Variants in ADCY1 observed in about 807,000 individuals in gnomAD.
The protein encoded by ADCY1 is adenylate cyclase type 1.
ADCY1 carries 28 observed loss-of-function variants against 105.4 expected under a neutral mutation model. The observed-to-expected ratio is 0.27, with a 90% CI of 0.20 to 0.36. The LOEUF is 0.36. ADCY1 is among the 10% of genes least tolerant of loss of function. The pLI is 1.00. For synonymous variants in ADCY1, 655 were observed against 623.8 expected (o/e 1.05, Z -0.75); for missense variants, 977 against 1,434.2 (o/e 0.68, Z 5.15).
At chr7:45,599,458 T>C (rs1464169650) in intron 2 of ADCY1, among the ~76,000 whole-genome samples, 2 of 150,700 alleles carry the variant, frequency 1.3e-5, no homozygotes, top group Non-Finnish European at 3.0e-5. Flanking sequence ...CACAGTTTGC[T>C]CTGTATCAGC....
intron 14 of ADCY1, among the ~76,000 whole-genome samples, chr7:45,695,155 C>T (rs1195546450): frequency 6.6e-6 from 1 of 152,226 alleles, no homozygotes; most frequent in Non-Finnish European, 1.5e-5. Context: ...ATCACTTATT[C>T]CCATCACTCA....
At chr7:45,657,940 C>T in intron 6 of ADCY1, 55 bp downstream of exon 6, 1 of 1,537,806 alleles carries the variant, frequency 6.5e-7, no homozygotes, top group Non-Finnish European at 8.8e-7. Context: ...CTGTGCACCC[C>T]TGGGCTAAAT....
intron 14 of ADCY1, among the ~76,000 whole-genome samples, chr7:45,693,970 TC>T (rs1709030363): frequency 1.2e-5 from 1 of 83,130 alleles, no homozygotes; most frequent in Non-Finnish European, 2.3e-5. Context: ...TGTGGTGGGG[TC>T]GGGGGAGGGG....
intron 14 of ADCY1, among the ~76,000 whole-genome samples, chr7:45,699,241 A>T (rs1298214099): frequency 6.6e-6 from 1 of 152,190 alleles, no homozygotes; most frequent in Non-Finnish European, 1.5e-5. Flanking sequence ...CAGTCCTTCC[A>T]TCCTGGTACA....
At chr7:45,690,519 C>T (rs189426775) in intron 14 of ADCY1, among the ~76,000 whole-genome samples, 62 of 152,340 alleles carry the variant, frequency 4.1e-4, no homozygotes, top group African/African-American at 1.1e-3. Flanking sequence ...CCCCTGCTCC[C>T]GCTCCCCATT....
chr7:45,674,292 A>T (rs1349480419), intron 8 of ADCY1, among the ~76,000 whole-genome samples: 1 of 151,978 alleles, frequency 6.6e-6, no homozygotes, highest in East Asian at 1.9e-4. Flanking sequence ...TTGTTTGATG[A>T]TGTCTTAGCT....
intron 1 of ADCY1, among the ~76,000 whole-genome samples, chr7:45,582,879 G>A (rs1047955423): frequency 5.3e-5 from 8 of 152,310 alleles, no homozygotes; most frequent in Middle Eastern, 6.8e-3. Context: ...GGAGCCCACC[G>A]CAGCAGCCTA....
intron 3 of ADCY1, among the ~76,000 whole-genome samples, chr7:45,622,273 G>A (rs1250184881): frequency 6.6e-6 from 1 of 152,092 alleles, no homozygotes; most frequent in African/African-American, 2.4e-5. Flanking sequence ...ACTTCTGCTC[G>A]GTGCCGCTGG....
chr7:45,687,383 C>A (rs1426226251), intron 14 of ADCY1, among the ~76,000 whole-genome samples: 1 of 152,206 alleles, frequency 6.6e-6, no homozygotes, highest in Non-Finnish European at 1.5e-5. Flanking sequence ...CCTGTGTCCA[C>A]CCCATGGCCA....
At chr7:45,690,813 C>T (rs1489016548) in intron 14 of ADCY1, among the ~76,000 whole-genome samples, 1 of 152,240 alleles carries the variant, frequency 6.6e-6, no homozygotes, top group African/African-American at 2.4e-5. Context: ...CAGGGTGATC[C>T]AGCTGGCTGG....
At chr7:45,658,531 C>T (rs1424325010) in intron 6 of ADCY1, among the ~76,000 whole-genome samples, 4 of 152,166 alleles carry the variant, frequency 2.6e-5, no homozygotes, top group African/African-American at 9.7e-5. Flanking sequence ...ACACTGGCTG[C>T]CCCTCAGCAG....
At chr7:45,592,106 G>T (rs965232484) in intron 1 of ADCY1, among the ~76,000 whole-genome samples, 1 of 148,264 alleles carries the variant, frequency 6.7e-6, no homozygotes, top group Non-Finnish European at 1.5e-5. Context: ...AGGAGTTTGT[G>T]CAGGCTTTGT....
At chr7:45,587,765 T>C (rs922597230) in intron 1 of ADCY1, among the ~76,000 whole-genome samples, 1 of 152,092 alleles carries the variant, frequency 6.6e-6, no homozygotes, top group Non-Finnish European at 1.5e-5. Context: ...ATGGTTAGAC[T>C]GGGGTGTTGG....
In ADCY1 at chr7:45,625,325, G is replaced by T. The variant is rs907969556; in HGVS notation, c.1020+2582G>T. ...ACACTGATTCATGCCTGGGATGCTG[G>T]CTTACATACTTTTATCAAGAAGAAT... On this transcript the variant is annotated intron_variant, in intron 4 of 19. Transcript: ENST00000297323. Among the ~76,000 whole-genome samples, 6 of 152,342 alleles carry T rather than the reference G, an allele frequency of 3.9e-5. No individual in the cohort carries two copies. In the East Asian group the frequency reaches 1.2e-3, roughly 29 times the overall value.
chr7:45,649,708 A>C (rs1442199923), intron 5 of ADCY1, among the ~76,000 whole-genome samples: 1 of 152,170 alleles, frequency 6.6e-6, no homozygotes, highest in Non-Finnish European at 1.5e-5. Flanking sequence ...GGCGGTTGGG[A>C]GGAGGCTGGT....
At chr7:45,595,201 C>T (rs1392326948) in intron 2 of ADCY1, among the ~76,000 whole-genome samples, 3 of 152,222 alleles carry the variant, frequency 2.0e-5, no homozygotes, top group African/African-American at 4.8e-5. Flanking sequence ...TCTGCTTATA[C>T]TCTGCTCTCT....
chr7:45,701,232 A>G (rs1442854081), intron 14 of ADCY1, among the ~76,000 whole-genome samples: 1 of 152,152 alleles, frequency 6.6e-6, no homozygotes, highest in Non-Finnish European at 1.5e-5. Context: ...TAACAATACA[A>G]CTTCTGCTTG....
At position 45,720,757 on chromosome 7, in the gene ADCY1, G is replaced by A. The variant is rs2116308684; in HGVS notation, c.*6762G>A. 6.6e-6 allele frequency: 1 copy of A among 152,254 alleles called. No homozygotes were observed. The highest frequency in any genetic ancestry group is 1.9e-4 in the East Asian group (1 of 5,164). The allele number at this position is 152,254 out of a possible 1,614,324, so 9.4% of individuals were successfully genotyped here. ...CACCTGGTTACCACAGTCTCCATGG[G>A]TCTTTTGCCGTGACCACAAATAAAG... On this transcript the variant is annotated 3_prime_UTR_variant, in exon 20 of 20. Transcript: ENST00000297323.
intron 3 of ADCY1, 72 bp downstream of exon 3, chr7:45,610,569 G>A: frequency 7.3e-7 from 1 of 1,363,010 alleles, no homozygotes; most frequent in Non-Finnish European, 1.0e-6. Context: ...GTGAAGGTGG[G>A]GAGGTGATGA....
Sources: allele counts gnomAD v4.1 joint callset (sites outside exome capture counted in the v4.1 genomes callset), GRCh38; gene constraint gnomAD v4.1.1; transcripts MANE v1.5; gene names NCBI Gene and HGNC (gene_info 2026-07-23, HGNC 2026-07-21).